Variants in CRHR2 observed in about 807,000 individuals in gnomAD.
CRHR2 encodes the protein corticotropin releasing hormone receptor 2.
A neutral mutation model predicts 57.9 loss-of-function variants in CRHR2; 53 were observed. That is an observed-to-expected ratio of 0.92 (90% confidence interval 0.73 to 1.15). CRHR2 has a LOEUF of 1.15. Among genes scored for constraint, CRHR2 ranks in the 50% most tolerant of loss-of-function variants. The pLI is 0.00. For synonymous variants in CRHR2, 213 were observed against 220.9 expected (o/e 0.96, Z 0.32); for missense variants, 532 against 542.6 (o/e 0.98, Z 0.19).
Position 30,662,263 on chromosome 7 carries a change from C to G in CRHR2, c.698-47G>C, listed in dbSNP as rs773229739. 5 of 1,603,298 alleles carry G rather than the reference C, an allele frequency of 3.1e-6. 1 individual carries two copies. The Admixed American group carries it at 8.3e-5, about 27-fold the overall frequency. ...GCTGCAGGGGACAGATGGACAGGGA[C>G]TTTCTTGTAGGACATACCGTGGGGT... is the stretch of plus-strand genomic sequence containing the variant. On this transcript the variant is annotated intron_variant, in intron 6 of 11. Coordinates refer to ENST00000471646, the MANE Select transcript of CRHR2 (RefSeq NM_001883.5).
At position 30,679,611 on chromosome 7, in the gene CRHR2, C is replaced by T. The variant is rs188535299; in HGVS notation, c.229+2304G>A. On this transcript the variant is annotated intron_variant, in intron 2 of 11. Coordinates refer to ENST00000471646, the MANE Select transcript of CRHR2 (RefSeq NM_001883.5). The stretch of plus-strand genomic sequence containing the variant: ...TAATATCTAAACTGCTATCCCCACC[C>T]GGGCGATTCCTGCTCTCTAAGGAAT... Among the ~76,000 whole-genome samples, 12 of 152,284 alleles carry T rather than the reference C, an allele frequency of 7.9e-5. No individual in the cohort carries two copies. In the East Asian group the frequency reaches 1.7e-3, roughly 22 times the overall value.
chr7:30,654,016 C>T (rs1783681148), intron 11 of CRHR2, among the ~76,000 whole-genome samples: 1 of 152,110 alleles, frequency 6.6e-6, no homozygotes, highest in South Asian at 2.1e-4. Flanking sequence ...TGGTGCGCCT[C>T]CTCCTCCCTC....
In CRHR2 at chr7:30,665,495, G is replaced by A. The variant is rs766146489; in HGVS notation, c.425+35C>T. The A allele has an allele frequency of 4.3e-5, 65 of 1,503,044 alleles. No homozygotes were observed. Among genetic ancestry groups the A allele is most frequent in the Admixed American group, 5.9e-5 (3 of 50,944 alleles). 93.1% of individuals were successfully genotyped at this position (1,503,044 alleles called of 1,614,324 possible). A position where few individuals can be genotyped will look rare whatever the true frequency, so the allele number is the denominator to read the frequency against. On this transcript the variant is annotated intron_variant, in intron 4 of 11. Coordinates refer to ENST00000471646, the MANE Select transcript of CRHR2 (RefSeq NM_001883.5). The surrounding 1 kb of genome is among the most constrained non-coding windows in gnomAD (Gnocchi z 4.5). Reference sequence around the variant, plus strand: ...GTGAAGGGGGTGCTGTAGGGGGAGGGATGAGGAGAAAGCAAGGCGGAAGGG... The same window carrying A: ...GTGAAGGGGGTGCTGTAGGGGGAGGAATGAGGAGAAAGCAAGGCGGAAGGG...
In CRHR2 at chr7:30,652,707, C is replaced by G. The variant is rs1783633713; in HGVS notation, c.*753G>C. The G allele has an allele frequency of 6.6e-6, 1 of 152,376 alleles. No individual in the cohort carries two copies. The highest frequency in any genetic ancestry group is 1.5e-5 in the Non-Finnish European group (1 of 68,122). The allele number at this position is 152,376 out of a possible 1,614,324, so 9.4% of individuals were successfully genotyped here. A position where few individuals can be genotyped will look rare whatever the true frequency, so the allele number is the denominator to read the frequency against. On this transcript the variant is annotated 3_prime_UTR_variant, in exon 12 of 12. Coordinates refer to ENST00000471646, the MANE Select transcript of CRHR2 (RefSeq NM_001883.5). The surrounding 1 kb of genome is among the most constrained non-coding windows in gnomAD (Gnocchi z 4.4). ...ATGGTTGGTTTCTGCTATTCCCATCCCACGCCTCCCTCCTCCATGCCTCTG... is the reference window on the plus strand; with the variant it reads ...ATGGTTGGTTTCTGCTATTCCCATCGCACGCCTCCCTCCTCCATGCCTCTG...
chr7:30,696,736 T>C (rs544920593), intron 1 of CRHR2, among the ~76,000 whole-genome samples: 14 of 151,948 alleles, frequency 9.2e-5, no homozygotes, highest in African/African-American at 3.4e-4. Flanking sequence ...AAAAATAAAA[T>C]AAAATAATTA....
Position 30,653,863 on chromosome 7 carries a change from GCCTTC to G in CRHR2, c.1096-268_1096-264del, listed in dbSNP as rs1783675669. ...TCATCCAGTTTCCTCTGGACACACT[GCCTTC>G]CCTTCCCTGACTCACTCTGCCACCT... On this transcript the variant is annotated intron_variant, in intron 11 of 11. Transcript: ENST00000471646. The surrounding 1 kb of genome is among the most constrained non-coding windows in gnomAD (Gnocchi z 5.0). Among the ~76,000 whole-genome samples the G allele has an allele frequency of 6.6e-6, 1 of 152,052 alleles. No homozygotes were observed. The highest frequency in any genetic ancestry group is 2.1e-4 in the South Asian group (1 of 4,816).
At chr7:30,683,189 G>A (rs1199706338), upstream of CRHR2, among the ~76,000 whole-genome samples, 1 of 152,198 alleles carries the variant, frequency 6.6e-6, no homozygotes, top group Non-Finnish European at 1.5e-5. Flanking sequence ...AGTAAGTCTA[G>A]GGGAGAAATT....
upstream of CRHR2, among the ~76,000 whole-genome samples, chr7:30,682,972 C>G (rs1162563011): frequency 1.3e-5 from 2 of 152,134 alleles, 1 homozygote; most frequent in East Asian, 3.9e-4. Flanking sequence ...AGGGAGACAC[C>G]CATGAGTCTA....
At chr7:30,669,913 C>A (rs1784304106) in intron 2 of CRHR2, among the ~76,000 whole-genome samples, 2 of 152,008 alleles carry the variant, frequency 1.3e-5, no homozygotes, top group Admixed American at 1.3e-4. Context: ...AGCACCTCCT[C>A]CTTCTTACCC....
chr7:30,675,157 G>A (rs733453), intron 2 of CRHR2, among the ~76,000 whole-genome samples: 73,434 of 152,000 alleles, frequency 0.48, 20,453 homozygotes, highest in Non-Finnish European at 0.63. Context: ...GAAAGGGACC[G>A]CCTGCCTGAC....
intron 2 of CRHR2, among the ~76,000 whole-genome samples, chr7:30,674,010 A>AGAGAGCTGT (rs1211604421): frequency 2.6e-5 from 4 of 152,078 alleles, no homozygotes; most frequent in African/African-American, 9.7e-5. Context: ...TCCATTTCTT[A>AGAGAGCTGT]GTGTTATATG....
At chr7:30,667,397 G>T in intron 2 of CRHR2, 84 bp from the exon 3 acceptor site, 1 of 1,121,544 alleles carries the variant, frequency 8.9e-7, no homozygotes, top group African/African-American at 1.5e-5. Context: ...ACAGGATAAG[G>T]TGTACGCACC....
exon 1 of CRHR2, chr7:30,699,977 G>A: frequency 6.7e-7 from 1 of 1,487,366 alleles, no homozygotes; most frequent in South Asian, 1.3e-5. Context: ...GGCAGAGCAG[G>A]CAGAGGAGGA....
chr7:30,652,846 G>A lies in CRHR2; in HGVS notation c.*614C>T, dbSNP rs1783639002. ...TAGGCAGAGAAGGGGTCTCCCAAGA[G>A]AGGAAGCCAGGCCTGGAAGCCTGCA... On this transcript the variant is annotated 3_prime_UTR_variant, in exon 12 of 12. Transcript: ENST00000471646. This position sits in a 1 kb window ranked among gnomAD's most constrained non-coding sequence, Gnocchi z 4.4. 1 of 152,388 alleles carries A rather than the reference G, an allele frequency of 6.6e-6. No individual in the cohort carries two copies. The highest frequency in any genetic ancestry group is 2.1e-4 in the South Asian group (1 of 4,838). The allele number at this position is 152,388 out of a possible 1,614,324, so 9.4% of individuals were successfully genotyped here. A position where few individuals can be genotyped will look rare whatever the true frequency, so the allele number is the denominator to read the frequency against.
rs1342815594 is a variant in CRHR2, at chr7:30,682,046, G to T, written c.104-6C>A. ...GTTGCAGTAGGAGTAGGGACCTGGC[G>T]GCGGGAGAGAGCGCAGTAGGGCTCA... On this transcript the variant is annotated splice_region_variant and splice_polypyrimidine_tract_variant and intron_variant, in intron 1 of 11. Transcript: ENST00000471646. The T allele has an allele frequency of 1.3e-6, 2 of 1,577,966 alleles. No individual in the cohort carries two copies. Among genetic ancestry groups the T allele is most frequent in the African/African-American group, 1.3e-5 (1 of 74,212 alleles).
At chr7:30,690,758 G>T (rs1784944779) in intron 1 of CRHR2, among the ~76,000 whole-genome samples, 1 of 152,174 alleles carries the variant, frequency 6.6e-6, no homozygotes. Flanking sequence ...GGAGAGTGCT[G>T]CCCCCTGCAC....
intron 2 of CRHR2, among the ~76,000 whole-genome samples, chr7:30,678,323 C>T (rs1310448488): frequency 6.6e-6 from 1 of 152,204 alleles, no homozygotes. Context: ...AGGATAATGC[C>T]ATGTCTCTGT....
intron 2 of CRHR2, among the ~76,000 whole-genome samples, chr7:30,668,324 C>T (rs150311185): frequency 1.1e-4 from 16 of 152,134 alleles, no homozygotes; most frequent in African/African-American, 2.2e-4. Flanking sequence ...CCGGAGCTCT[C>T]GAAGCCTGCC....
chr7:30,697,771 A>T (rs1401302454), intron 1 of CRHR2, among the ~76,000 whole-genome samples: 2 of 152,104 alleles, frequency 1.3e-5, no homozygotes, highest in Admixed American at 1.3e-4. Context: ...CTTACCCCCA[A>T]CCTGCTCCCC....
Sources: allele counts gnomAD v4.1 joint callset (sites outside exome capture counted in the v4.1 genomes callset), GRCh38; gene constraint gnomAD v4.1.1; non-coding constraint Gnocchi (gnomAD v3.1); transcripts MANE v1.5; gene names NCBI Gene and HGNC (gene_info 2026-07-23, HGNC 2026-07-21).